Variants in SDC2 observed in about 807,000 individuals in gnomAD.
SDC2 encodes syndecan-2.
A neutral mutation model predicts 22.2 loss-of-function variants in SDC2; 13 were observed. That is an observed-to-expected ratio of 0.59 (90% CI 0.38 to 0.93). SDC2 has a LOEUF of 0.93. Among genes scored for constraint, SDC2 ranks in the 40% least tolerant of loss-of-function variants. The pLI is 0.00. For synonymous variants in SDC2, 94 were observed against 92.8 expected (o/e 1.01, Z -0.07); for missense variants, 235 against 246.8 (o/e 0.95, Z 0.32).
rs1482310547 is a variant in SDC2 at position 96,494,155 on chromosome 8, A to G, written c.-117A>G. On this transcript the variant is annotated 5_prime_UTR_variant, in exon 1 of 5. Coordinates refer to ENST00000302190, the MANE Select transcript of SDC2 (RefSeq NM_002998.4). ...CCCGAGTCCCCGAGCCTGAGCCGCA[A>G]TCGCTGCGGTACTCTGCTCCGGATT... 10 of 1,090,112 alleles carry G rather than the reference A, an allele frequency of 9.2e-6. No homozygotes were observed. In the Admixed American group the frequency reaches 2.0e-4, roughly 22 times the overall value. The allele number at this position is 1,090,112 out of a possible 1,614,324, so 67.5% of individuals were successfully genotyped here.
chr8:96,576,231 C>T (rs2130594340), intron 1 of SDC2, among the ~76,000 whole-genome samples: 1 of 152,062 alleles, frequency 6.6e-6, no homozygotes, highest in South Asian at 2.1e-4. Context: ...TTAATACCAG[C>T]TCTGGTGTCA....
chr8:96,542,910 ATAT>A (rs1370104023), intron 1 of SDC2, among the ~76,000 whole-genome samples: 2 of 152,180 alleles, frequency 1.3e-5, no homozygotes, highest in Non-Finnish European at 2.9e-5. Context: ...TGGATGATAA[ATAT>A]TATTGCTATC....
chr8:96,585,180 T>C (rs553278582), intron 1 of SDC2, among the ~76,000 whole-genome samples: 27 of 152,344 alleles, frequency 1.8e-4, no homozygotes, highest in African/African-American at 5.8e-4. Flanking sequence ...ATTGATGGGA[T>C]TTTGTAATGC....
chr8:96,576,198 G>A (rs1814487019), intron 1 of SDC2, among the ~76,000 whole-genome samples: 1 of 151,744 alleles, frequency 6.6e-6, no homozygotes, highest in Non-Finnish European at 1.5e-5. Context: ...TATGAAGGCG[G>A]TACTTTCTGG....
At chr8:96,524,842 C>T (rs1266606747) in intron 1 of SDC2, among the ~76,000 whole-genome samples, 1 of 152,130 alleles carries the variant, frequency 6.6e-6, no homozygotes, top group East Asian at 1.9e-4. Context: ...ATCATTTGTG[C>T]ACTTTAGTGG....
At chr8:96,497,047 CAT>C (rs1330645690) in intron 1 of SDC2, among the ~76,000 whole-genome samples, 1 of 152,106 alleles carries the variant, frequency 6.6e-6, no homozygotes, top group African/African-American at 2.4e-5. Context: ...GCTATAAACA[CAT>C]AATTTGAACT....
intron 1 of SDC2, among the ~76,000 whole-genome samples, chr8:96,530,988 T>C (rs986946102): frequency 6.6e-6 from 1 of 152,210 alleles, no homozygotes; most frequent in African/African-American, 2.4e-5. Flanking sequence ...AATAAATGAC[T>C]GCTCTTGGCT....
chr8:96,495,243 C>A lies in SDC2; in HGVS notation c.60+912C>A, dbSNP rs535226227. ...GGCCCTGGCGGGGCGCTTCTGGGGC[C>A]GGGAGGAGTCTCGTCTCCGGCGGAG... On this transcript the variant is annotated intron_variant, in intron 1 of 4. Coordinates refer to ENST00000302190, the MANE Select transcript of SDC2 (RefSeq NM_002998.4). Among the ~76,000 whole-genome samples, 24 of 152,330 alleles carry A rather than the reference C, an allele frequency of 1.6e-4. No individual in the cohort carries two copies. The East Asian group carries it at 4.6e-3, about 29-fold the overall frequency.
At chr8:96,499,346 C>G (rs1019077404) in intron 1 of SDC2, among the ~76,000 whole-genome samples, 1 of 152,108 alleles carries the variant, frequency 6.6e-6, no homozygotes, top group African/African-American at 2.4e-5. Flanking sequence ...AATCAGAAAC[C>G]TGAATGGGGG....
chr8:96,562,899 G>GGC (rs1814233719), intron 1 of SDC2, among the ~76,000 whole-genome samples: 1 of 151,870 alleles, frequency 6.6e-6, no homozygotes, highest in South Asian at 2.1e-4. Flanking sequence ...TCTGGTGGGG[G>GGC]ACATGTTTGC....
At chr8:96,494,389 G>A (rs1813015149) in intron 1 of SDC2, 58 bp downstream of exon 1, 2 of 1,506,630 alleles carry the variant, frequency 1.3e-6, no homozygotes, top group Non-Finnish European at 1.8e-6. Context: ...GCTACGAGAG[G>A]AGCCCGCAGG....
intron 1 of SDC2, among the ~76,000 whole-genome samples, chr8:96,538,372 CAT>C (rs1813788034): frequency 6.6e-6 from 1 of 151,528 alleles, no homozygotes; most frequent in Non-Finnish European, 1.5e-5. Flanking sequence ...CTTAAATACA[CAT>C]ATTAACTATT....
chr8:96,529,909 G>A (rs1813633634), intron 1 of SDC2, among the ~76,000 whole-genome samples: 1 of 152,046 alleles, frequency 6.6e-6, no homozygotes, highest in South Asian at 2.1e-4. Context: ...AGCCCATCTA[G>A]TTCCTCAGGC....
Position 96,585,556 on chromosome 8 carries a change from T to G in SDC2, c.61-7924T>G, listed in dbSNP as rs79255519. 1.1e-4 allele frequency among the ~76,000 whole-genome samples: 17 copies of G among 152,078 alleles called. No homozygotes were observed. The East Asian group carries it at 3.1e-3, about 28-fold the overall frequency. On this transcript the variant is annotated intron_variant, in intron 1 of 4. Transcript: ENST00000302190. ...GAAGGATGGGGGCGGGTGCATCCTGTTTTATGTGTTGTGATGCTTGGGGAC... is the reference window on the plus strand; with the variant it reads ...GAAGGATGGGGGCGGGTGCATCCTGGTTTATGTGTTGTGATGCTTGGGGAC...
At chr8:96,596,881 G>A in intron 2 of SDC2, among the ~76,000 whole-genome samples, 1 of 152,336 alleles carries the variant, frequency 6.6e-6, no homozygotes, top group Middle Eastern at 3.4e-3. Flanking sequence ...TCGCAGTGGG[G>A]AGAGCCAAAA....
chr8:96,606,777 TA>T (rs1293030513), intron 3 of SDC2, among the ~76,000 whole-genome samples: 1 of 152,182 alleles, frequency 6.6e-6, no homozygotes, highest in Non-Finnish European at 1.5e-5. Context: ...AATTTCTGTG[TA>T]AATAATCCTG....
rs1815177500 is a variant in SDC2 at position 96,611,657 on chromosome 8, ACTG to A, written c.*2113_*2115del. 1.3e-5 allele frequency: 2 copies of A among 152,630 alleles called. No homozygotes were observed. The highest frequency in any genetic ancestry group is 4.8e-5 in the African/African-American group (2 of 41,448). The allele number at this position is 152,630 out of a possible 1,614,324, so 9.5% of individuals were successfully genotyped here. A position where few individuals can be genotyped will look rare whatever the true frequency, so the allele number is the denominator to read the frequency against. On this transcript the variant is annotated 3_prime_UTR_variant, in exon 5 of 5. Transcript: ENST00000302190. ...GTGAAATTCAATTCATAGAATAACAACTGCTGGGAATATCCGTGCCAGGAAAAG... is the reference window on the plus strand; with the variant it reads ...GTGAAATTCAATTCATAGAATAACAACTGGGAATATCCGTGCCAGGAAAAG...
At chr8:96,571,200 G>A (rs1814388183) in intron 1 of SDC2, among the ~76,000 whole-genome samples, 1 of 152,142 alleles carries the variant, frequency 6.6e-6, no homozygotes, top group South Asian at 2.1e-4. Flanking sequence ...GAGAGTAATG[G>A]GTAAGATGGT....
chr8:96,518,419 G>A (rs1478686159), intron 1 of SDC2, among the ~76,000 whole-genome samples: 1 of 149,936 alleles, frequency 6.7e-6, no homozygotes. Context: ...GGAGTGCAGT[G>A]GCGCGATCTC....
Sources: gnomAD v4.1 joint callset for allele counts (sites outside exome capture counted in the v4.1 genomes callset) on GRCh38, gnomAD v4.1.1 for gene constraint, MANE v1.5 for transcripts, NCBI Gene and HGNC (gene_info 2026-07-23, HGNC 2026-07-21) for gene names.